STK39: variants seen among roughly 807,000 people sequenced by gnomAD.
STK39 encodes the protein serine/threonine kinase 39.
STK39 carries 20 observed loss-of-function variants against 77.8 expected under a neutral mutation model. The observed-to-expected ratio is 0.26, with a 90% CI of 0.18 to 0.37. The LOEUF (loss-of-function observed/expected upper bound fraction) is 0.37. Among genes scored for constraint, STK39 ranks in the 10% least tolerant of loss-of-function variants. The pLI, the probability that STK39 is intolerant of heterozygous loss-of-function variation, is 1.00. For missense variants in STK39, 479 were observed against 656.5 expected, an observed-to-expected ratio of 0.73 and a Z score of 2.95; for synonymous variants, 246 against 234.1, an observed-to-expected ratio of 1.05 and a Z score of -0.47.
intron 14 of STK39, among the ~76,000 whole-genome samples, chr2:168,045,247 A>C (rs1685208511): frequency 6.6e-6 from 1 of 151,974 alleles, no homozygotes; most frequent in Non-Finnish European, 1.5e-5. Context: ...TTCCTCCCAC[A>C]CCCTGGGTGT....
chr2:168,056,066 A>G (rs1429651907), intron 14 of STK39, among the ~76,000 whole-genome samples: 1 of 152,170 alleles, frequency 6.6e-6, no homozygotes, highest in Admixed American at 6.6e-5. Flanking sequence ...CATTTTAACC[A>G]CCTCCAGCAT....
intron 16 of STK39, among the ~76,000 whole-genome samples, chr2:167,975,530 T>TGCA (rs1427254615): frequency 6.6e-6 from 1 of 152,220 alleles, no homozygotes; most frequent in East Asian, 1.9e-4. Context: ...AAAGGTGGAC[T>TGCA]GTAGGCCGGG....
At chr2:168,161,737 T>G (rs201749188) in intron 5 of STK39, 50 bp downstream of exon 5, 1 of 1,334,336 alleles carries the variant, frequency 7.5e-7, no homozygotes, top group Non-Finnish European at 1.1e-6. Flanking sequence ...TCCTTGAAAC[T>G]GTAACACTTC....
chr2:168,126,016 G>A (rs1473731484), intron 10 of STK39, among the ~76,000 whole-genome samples: 1 of 152,136 alleles, frequency 6.6e-6, no homozygotes, highest in African/African-American at 2.4e-5. Flanking sequence ...AAAGAAAAAT[G>A]CACATTGAAA....
At chr2:167,990,137 G>A (rs1683663248) in intron 16 of STK39, among the ~76,000 whole-genome samples, 1 of 152,158 alleles carries the variant, frequency 6.6e-6, no homozygotes, top group Non-Finnish European at 1.5e-5. Context: ...AGGACAATGA[G>A]ATTTTTTCAC....
chr2:168,221,321 G>C (rs76421703), intron 1 of STK39, among the ~76,000 whole-genome samples: 1 of 152,142 alleles, frequency 6.6e-6, no homozygotes, highest in Non-Finnish European at 1.5e-5. Flanking sequence ...ATACAAGCTA[G>C]AACATTATGT....
intron 10 of STK39, among the ~76,000 whole-genome samples, chr2:168,106,458 T>C (rs1686976415): frequency 6.6e-6 from 1 of 152,196 alleles, no homozygotes; most frequent in African/African-American, 2.4e-5. Context: ...TATATATACA[T>C]ATATTAAAAC....
intron 14 of STK39, among the ~76,000 whole-genome samples, chr2:168,034,899 T>G (rs1215957876): frequency 6.6e-6 from 1 of 152,222 alleles, no homozygotes; most frequent in South Asian, 2.1e-4. Flanking sequence ...ACCATAATAC[T>G]CATTTTTATC....
At chr2:168,149,364 C>T (rs970809927) in intron 5 of STK39, among the ~76,000 whole-genome samples, 1 of 152,212 alleles carries the variant, frequency 6.6e-6, no homozygotes, top group Admixed American at 6.5e-5. Flanking sequence ...TGATACAGCC[C>T]ATGCTGGCAG....
At chr2:168,018,880 TA>T (rs1684500538) in intron 14 of STK39, among the ~76,000 whole-genome samples, 1 of 152,152 alleles carries the variant, frequency 6.6e-6, no homozygotes, top group East Asian at 1.9e-4. Context: ...CCCACAAGGA[TA>T]CACAGGGCAT....
intron 5 of STK39, among the ~76,000 whole-genome samples, chr2:168,142,175 A>G (rs1688000045): frequency 6.6e-6 from 1 of 152,240 alleles, no homozygotes; most frequent in African/African-American, 2.4e-5. Context: ...GTGAAAAGAA[A>G]TCTCTGGAAC....
chr2:168,041,437 A>G (rs1045777257), intron 14 of STK39, among the ~76,000 whole-genome samples: 1 of 150,792 alleles, frequency 6.6e-6, no homozygotes, highest in Non-Finnish European at 1.5e-5. Context: ...TATGCTGTCC[A>G]CTGTATATTT....
chr2:168,074,527 A>G (rs1348719303), intron 12 of STK39, among the ~76,000 whole-genome samples: 1 of 152,244 alleles, frequency 6.6e-6, no homozygotes, highest in Admixed American at 6.5e-5. Context: ...TTTAAAAACC[A>G]AGACCAACAG....
chr2:168,145,256 C>G (rs1213111200), intron 5 of STK39, among the ~76,000 whole-genome samples: 1 of 152,158 alleles, frequency 6.6e-6, no homozygotes, highest in African/African-American at 2.4e-5. Flanking sequence ...ACTCAAAACA[C>G]CTACAGCAGC....
At chr2:167,988,290 T>C (rs181586085) in intron 16 of STK39, among the ~76,000 whole-genome samples, 159 of 152,280 alleles carry the variant, frequency 1.0e-3, no homozygotes, top group African/African-American at 3.7e-3. Context: ...AAAGCTGATT[T>C]TTTTCCTGCA....
chr2:168,219,390 T>G (rs1280084042), intron 1 of STK39, among the ~76,000 whole-genome samples: 1 of 152,108 alleles, frequency 6.6e-6, no homozygotes, highest in Non-Finnish European at 1.5e-5. Flanking sequence ...TACAGATAAG[T>G]CAGGCACTAT....
At chr2:168,230,635 AGCTGATACAGG>A (rs1319268390) in intron 1 of STK39, among the ~76,000 whole-genome samples, 1 of 152,204 alleles carries the variant, frequency 6.6e-6, no homozygotes, top group Non-Finnish European at 1.5e-5. Flanking sequence ...AGCTATAGAT[AGCTGATACAGG>A]GAATGTCAGA....
chr2:168,001,919 T>G (rs866273146), intron 16 of STK39, among the ~76,000 whole-genome samples: 1 of 152,346 alleles, frequency 6.6e-6, no homozygotes, highest in Middle Eastern at 3.4e-3. Context: ...TAAGCCTACT[T>G]TACTTCCACT....
At chr2:168,102,903 C>A (rs538002083) in intron 10 of STK39, among the ~76,000 whole-genome samples, 7 of 136,326 alleles carry the variant, frequency 5.1e-5, no homozygotes, top group Admixed American at 4.0e-4. Flanking sequence ...GCACTCCAGC[C>A]TGGGCGACAG....
Sources: allele counts gnomAD v4.1 joint callset (sites outside exome capture counted in the v4.1 genomes callset), GRCh38; gene constraint gnomAD v4.1.1; transcripts MANE v1.5; gene names NCBI Gene and HGNC (gene_info 2026-07-23, HGNC 2026-07-21).